CCDC141: variants seen among roughly 807,000 people sequenced by gnomAD.
The protein encoded by CCDC141 is coiled-coil domain-containing protein 141.
CCDC141 carries 168 observed loss-of-function variants against 181.0 expected under a neutral mutation model. That is an observed-to-expected ratio of 0.93 (90% CI 0.82 to 1.05). CCDC141 has a LOEUF of 1.05. Among genes scored for constraint, CCDC141 ranks in the 50% least tolerant of loss-of-function variants. The pLI, the probability that CCDC141 is intolerant of heterozygous loss-of-function variation, is 0.00. For missense variants in CCDC141, 1,902 were observed against 1,788.5 expected (o/e 1.06, Z -1.14); for synonymous variants, 666 against 642.3 (o/e 1.04, Z -0.56).
chr2:178,872,530 A>C (rs1355393926), intron 12 of CCDC141, among the ~76,000 whole-genome samples: 1 of 152,116 alleles, frequency 6.6e-6, no homozygotes, highest in Non-Finnish European at 1.5e-5. Context: ...TCAAGACCCA[A>C]GGGGTGTTTG....
At chr2:178,974,849 G>A (rs1377961828) in intron 4 of CCDC141, among the ~76,000 whole-genome samples, 1 of 152,064 alleles carries the variant, frequency 6.6e-6, no homozygotes, top group Non-Finnish European at 1.5e-5. Flanking sequence ...ATCTCCTGGA[G>A]GCATATCCTC....
intron 5 of CCDC141, among the ~76,000 whole-genome samples, chr2:178,960,148 C>A (rs1225465005): frequency 6.6e-6 from 1 of 152,114 alleles, no homozygotes; most frequent in Non-Finnish European, 1.5e-5. Context: ...AATTACTTAG[C>A]ACCAAATGCC....
intron 7 of CCDC141, among the ~76,000 whole-genome samples, chr2:178,906,635 T>C (rs1246321444): frequency 6.6e-6 from 1 of 152,140 alleles, no homozygotes; most frequent in African/African-American, 2.4e-5. Context: ...AAGTGTAGCC[T>C]CCCTGGGTTG....
In CCDC141 at chr2:178,851,820, A is replaced by G. The variant is rs1163506381; in HGVS notation, c.3244+1621T>C. Among the ~76,000 whole-genome samples the G allele has an allele frequency of 2.0e-5, 3 of 152,282 alleles. No individual in the cohort carries two copies. The East Asian group carries it at 5.8e-4, about 29-fold the overall frequency. ...GAACTAGGTCTTAATTGTCTTTATA[A>G]CAGCCACAGCTCTTAGTAGATAACA... On this transcript the variant is annotated intron_variant, in intron 20 of 23. Transcript: ENST00000443758.
intron 2 of CCDC141, among the ~76,000 whole-genome samples, chr2:178,984,226 G>A (rs1303348272): frequency 4.0e-5 from 6 of 149,280 alleles, no homozygotes. Context: ...AGCTTCATAA[G>A]TGAAGGAGAA....
In CCDC141 at chr2:178,837,635, A is replaced by G. The variant is rs1465877604; in HGVS notation, c.3584T>C (p.Leu1195Pro). The change falls in exon 23 of 24, where the codon CTC (leucine) becomes CCC (proline). Residue 1195 changes from leucine to proline, a missense_variant. By Grantham distance (98) the Leu-to-Pro change is moderately conservative. Coordinates refer to ENST00000443758, the MANE Select transcript of CCDC141 (RefSeq NM_173648.4). ...CCCTGAGAGCATGTCTTCAGGCAGG[A>G]GCAGGTCCTGGACGCCACCCTCCTT... Reference protein sequence around the residue: ...TDKEGGVQDLLLPEDMLSGEE... With the variant: ...TDKEGGVQDLPLPEDMLSGEE... 1 of 1,614,030 alleles carries G rather than the reference A, an allele frequency of 6.2e-7. No individual in the cohort carries two copies. The highest frequency in any genetic ancestry group is 1.1e-5 in the South Asian group (1 of 91,076).
intron 17 of CCDC141, among the ~76,000 whole-genome samples, chr2:178,865,536 T>C (rs1685807163): frequency 6.6e-6 from 1 of 152,220 alleles, no homozygotes; most frequent in South Asian, 2.1e-4. Context: ...TTTCTATGCA[T>C]TGACATCATA....
intron 4 of CCDC141, 76 bp from the exon 5 acceptor site, chr2:178,961,559 A>G: frequency 9.1e-7 from 1 of 1,100,984 alleles, no homozygotes; most frequent in East Asian, 2.6e-5. Flanking sequence ...ACTCTTCATA[A>G]TTTAAAATAT....
intron 8 of CCDC141, among the ~76,000 whole-genome samples, chr2:178,891,534 C>T (rs1382083885): frequency 2.6e-5 from 4 of 152,072 alleles, no homozygotes; most frequent in South Asian, 4.2e-4. Flanking sequence ...ACAGGGATGG[C>T]CTGGCTGACA....
intron 2 of CCDC141, among the ~76,000 whole-genome samples, chr2:179,015,393 T>TCATATATCTCTCATATATGTAC (rs1559049553): frequency 2.2e-5 from 3 of 137,288 alleles, no homozygotes; most frequent in South Asian, 2.3e-4. Flanking sequence ...CATATATGTA[T>TCATATATCTCTCATATATGTAC]CATATATCTC....
At chr2:178,824,544 G>A in the CCDC141 span, among the ~76,000 whole-genome samples, 15 of 149,176 alleles carry the variant, frequency 1.0e-4, no homozygotes, top group Admixed American at 2.0e-4. Flanking sequence ...GCTTGAACCC[G>A]GGAGGCAGAG....
intron 22 of CCDC141, among the ~76,000 whole-genome samples, chr2:178,839,248 C>G (rs560169507): frequency 1.3e-5 from 2 of 151,986 alleles, no homozygotes; most frequent in Admixed American, 6.6e-5. Flanking sequence ...CCCACCTCTA[C>G]TAAAAATGCA....
At chr2:178,819,285 C>G in the CCDC141 span, among the ~76,000 whole-genome samples, 1 of 152,126 alleles carries the variant, frequency 6.6e-6, no homozygotes, top group East Asian at 1.9e-4. Context: ...TTATTTGATA[C>G]ATTTAATTGA....
At chr2:179,022,628 C>CT (rs2042721655) in intron 2 of CCDC141, among the ~76,000 whole-genome samples, 1 of 152,208 alleles carries the variant, frequency 6.6e-6, no homozygotes, top group Non-Finnish European at 1.5e-5. Flanking sequence ...CGATCAGTGT[C>CT]TTTCATCTGG....
intron 4 of CCDC141, among the ~76,000 whole-genome samples, chr2:178,967,599 A>C (rs2154379605): frequency 6.6e-6 from 1 of 152,330 alleles, no homozygotes; most frequent in Admixed American, 6.5e-5. Flanking sequence ...AGCACTAAAC[A>C]TGGAAAGGAA....
In CCDC141 at chr2:178,899,803, T is replaced by A. The variant is rs1190607315; in HGVS notation, c.1265+5526A>T. Reference sequence around the variant, plus strand: ...CTAAACTCCATCTTCACTCCAGCAGTGGCTGCACTTGAAATATTATCCTTA... The same window carrying A: ...CTAAACTCCATCTTCACTCCAGCAGAGGCTGCACTTGAAATATTATCCTTA... On this transcript the variant is annotated intron_variant, in intron 8 of 23. Coordinates refer to ENST00000443758, the MANE Select transcript of CCDC141 (RefSeq NM_173648.4). Among the ~76,000 whole-genome samples, 19 of 152,176 alleles carry A rather than the reference T, an allele frequency of 1.2e-4. 1 individual carries two copies. The highest frequency in any genetic ancestry group is 1.2e-3 in the Admixed American group (19 of 15,268).
At chr2:178,972,657 T>A (rs1254795782) in intron 4 of CCDC141, among the ~76,000 whole-genome samples, 1 of 152,200 alleles carries the variant, frequency 6.6e-6, no homozygotes, top group East Asian at 1.9e-4. Context: ...GGCCAGTAAG[T>A]AATCCGGAAA....
rs951463897 is a variant in CCDC141 at position 178,926,909 on chromosome 2, C to T, written c.898-8002G>A. 2.6e-5 allele frequency among the ~76,000 whole-genome samples: 4 copies of T among 152,176 alleles called. No homozygotes were observed. In the South Asian group the frequency reaches 8.3e-4, roughly 32 times the overall value. On this transcript the variant is annotated intron_variant, in intron 6 of 23. Coordinates refer to ENST00000443758, the MANE Select transcript of CCDC141 (RefSeq NM_173648.4). ...TCACTATGTACCCCATAAATATGTA[C>T]AATTATTATGTGTCACTTTAAAGAA... is the stretch of plus-strand genomic sequence containing the variant.
intron 2 of CCDC141, among the ~76,000 whole-genome samples, chr2:178,988,275 C>T (rs1312984044): frequency 6.6e-5 from 9 of 136,710 alleles, no homozygotes; most frequent in African/African-American, 1.1e-4. Context: ...ACAGTGAGAT[C>T]ACATGGACAC....
Sources: allele counts gnomAD v4.1 joint callset (sites outside exome capture counted in the v4.1 genomes callset), GRCh38; gene constraint gnomAD v4.1.1; transcripts MANE v1.5; gene names NCBI Gene and HGNC (gene_info 2026-07-23, HGNC 2026-07-21).